TNFRSF4: variants seen among roughly 807,000 people sequenced by gnomAD.
TNFRSF4 encodes the protein TNF receptor superfamily member 4, also known as tumor necrosis factor receptor superfamily member 4.
Under a neutral mutation model 29.5 loss-of-function variants are expected in TNFRSF4, and 21 were observed. The ratio of observed to expected loss-of-function variants is 0.71; its 90% confidence interval spans 0.51 to 1.03. The LOEUF is 1.03. Among genes scored for constraint, TNFRSF4 ranks in the 50% least tolerant of loss-of-function variants. TNFRSF4 has a pLI of 0.00. For synonymous variants in TNFRSF4, 197 were observed against 172.7 expected (o/e 1.14, Z -1.10); for missense variants, 408 against 387.8 (o/e 1.05, Z -0.44).
Position 1,212,655 on chromosome 1 carries a change from G to T in TNFRSF4, c.420C>A (p.Ala140=). 6.8e-7 allele frequency: 1 copy of T among 1,475,298 alleles called. No individual in the cohort carries two copies. The highest frequency in any genetic ancestry group is 1.2e-5 in the South Asian group (1 of 80,012). 91.4% of individuals were successfully genotyped at this position (1,475,298 alleles called of 1,614,324 possible). A position where few individuals can be genotyped will look rare whatever the true frequency, so the allele number is the denominator to read the frequency against. Reference sequence around the variant, plus strand: ...CCCCTCACTTGGTCCAGGGCTTGCAGGCCTGGTTGTCGCCTGGGGAGAAGT... The same window carrying T: ...CCCCTCACTTGGTCCAGGGCTTGCATGCCTGGTTGTCGCCTGGGGAGAAGT... ...PGHFSPGDNQ[A]CKPWTNCTLA... The change falls in exon 4 of 7, where the codon GCC becomes GCA. Residue 140 remains alanine (A), a synonymous_variant. Transcript: ENST00000379236.
At position 1,211,739 on chromosome 1, in the gene TNFRSF4, T is replaced by A. The variant is rs771128263; in HGVS notation, c.728A>T (p.Asp243Val). 1.3e-6 allele frequency: 2 copies of A among 1,579,048 alleles called. No individual in the cohort carries two copies. Among genetic ancestry groups the A allele is most frequent in the South Asian group, 2.3e-5 (2 of 87,274 alleles). The change falls in exon 6 of 7, where the codon GAC becomes GTC. Residue 243 changes from aspartate to valine, a missense_variant. Coordinates refer to ENST00000379236, the MANE Select transcript of TNFRSF4 (RefSeq NM_003327.4). ...ILLALYLLRRDQRLPPDAHKP... is the reference protein window; with the variant it reads ...ILLALYLLRRVQRLPPDAHKP... ...GTGGGCATCGGGGGGCAGCCTCTGGTCCCTCCGGAGCAGGTACAGGGCCAG... is the reference window on the plus strand; with the variant it reads ...GTGGGCATCGGGGGGCAGCCTCTGGACCCTCCGGAGCAGGTACAGGGCCAG...
At position 1,213,803 on chromosome 1, in the gene TNFRSF4, G is replaced by A. The variant is rs767867744; in HGVS notation, c.146-18C>T. 2.8e-5 allele frequency: 44 copies of A among 1,584,336 alleles called. No homozygotes were observed. The highest frequency in any genetic ancestry group is 3.2e-5 in the Non-Finnish European group (37 of 1,168,354). ...CCCGTTGCCTGCAGCAGAGGCCGGC[G>A]TCAGGCAGCGGTCAGGCCCCAGGCT... On this transcript the variant is annotated intron_variant, in intron 1 of 6. Transcript: ENST00000379236.
Position 1,213,966 on chromosome 1 carries a change from C to T in TNFRSF4, c.145+17G>A, listed in dbSNP as rs750396022. 8.8e-6 allele frequency: 14 copies of T among 1,585,064 alleles called. No homozygotes were observed. The highest frequency in any genetic ancestry group is 1.3e-5 in the African/African-American group (1 of 74,174). Reference sequence around the variant, plus strand: ...CCCTGGAGTGCCCGTGCGTGGCGACCCCTCCTGAGGCCTCACCTGGCCTGC... The same window carrying T: ...CCCTGGAGTGCCCGTGCGTGGCGACTCCTCCTGAGGCCTCACCTGGCCTGC... On this transcript the variant is annotated intron_variant, in intron 1 of 6. Transcript: ENST00000379236.
chr1:1,213,434 T>G, intron 2 of TNFRSF4: 1 of 1,525,932 alleles, frequency 6.6e-7, no homozygotes, highest in Non-Finnish European at 8.8e-7. Context: ...GCCAGCGTGG[T>G]CTCCCCGACT....
intron 3 of TNFRSF4, 44 bp from the exon 4 acceptor site, chr1:1,212,748 G>A (rs369938262): frequency 1.8e-4 from 267 of 1,469,734 alleles, no homozygotes; most frequent in Non-Finnish European, 2.3e-4. Context: ...ACAGGCCCCG[G>A]GTGCTGGGGA....
At position 1,213,703 on chromosome 1, in the gene TNFRSF4, G is replaced by T; in HGVS notation, c.228C>A (p.Val76=). 1.3e-6 allele frequency: 2 copies of T among 1,597,938 alleles called. No homozygotes were observed. Among genetic ancestry groups the T allele is most frequent in the South Asian group, 2.3e-5 (2 of 88,330 alleles). Residue 76 remains valine, a synonymous_variant, in exon 2 of 7, where the codon GTC becomes GTA. Coordinates refer to ENST00000379236, the MANE Select transcript of TNFRSF4 (RefSeq NM_003327.4). ...TGCAGGGCTTGCACGGCTTGGAGCT[G>T]ACCACGTCGTTGTAGAAGCCCGGCC... The part of the protein sequence containing the change: ...PCGPGFYNDV[V]SSKPCKPCTW...
At position 1,212,746 on chromosome 1, in the gene TNFRSF4, C is replaced by T. The variant is rs766198736; in HGVS notation, c.371-42G>A. The T allele has an allele frequency of 1.2e-5, 18 of 1,480,878 alleles. No homozygotes were observed. In the East Asian group the frequency reaches 1.7e-4, roughly 14 times the overall value. 91.7% of individuals were successfully genotyped at this position (1,480,878 alleles called of 1,614,324 possible). A position where few individuals can be genotyped will look rare whatever the true frequency, so the allele number is the denominator to read the frequency against. On this transcript the variant is annotated intron_variant, in intron 3 of 6. Coordinates refer to ENST00000379236, the MANE Select transcript of TNFRSF4 (RefSeq NM_003327.4). Reference sequence around the variant, plus strand: ...GTGGTCAGGGGCTGCCCACAGGCCCCGGGTGCTGGGGACATGGGGCAGAGC... The same window carrying T: ...GTGGTCAGGGGCTGCCCACAGGCCCTGGGTGCTGGGGACATGGGGCAGAGC...
At chr1:1,213,129 G>C (rs1649260637) in intron 2 of TNFRSF4, 36 bp from the exon 3 acceptor site, 1 of 1,584,042 alleles carries the variant, frequency 6.3e-7, no homozygotes, top group Non-Finnish European at 8.6e-7. Flanking sequence ...GGTCAGGTGG[G>C]GGCTGTGGAC....
chr1:1,213,914 T>A lies in TNFRSF4; in HGVS notation c.145+69A>T, dbSNP rs531356039. On this transcript the variant is annotated intron_variant, in intron 1 of 6. Transcript: ENST00000379236. The stretch of plus-strand genomic sequence containing the variant: ...CCCTCCCCAGGACCAGCCTCCTGGC[T>A]GGCCCATCCCTGCCCCAGCCCCCAG... 6.4e-4 allele frequency: 531 copies of A among 834,422 alleles called. 2 individuals are homozygous for A. In the African/African-American group the frequency reaches 8.8e-3, roughly 14 times the overall value. 51.7% of individuals were successfully genotyped at this position (834,422 alleles called of 1,614,324 possible).
Position 1,212,574 on chromosome 1 carries a change from C to T in TNFRSF4, c.437+64G>A. ...CCAGCCCCTCCCAGCTCCCCAGCTC[C>T]TCCGCCCTCCTAACCACCCCAACCC... On this transcript the variant is annotated intron_variant, in intron 4 of 6. Transcript: ENST00000379236. The T allele has an allele frequency of 3.0e-6, 3 of 1,001,784 alleles. 1 individual carries two copies. In the East Asian group the frequency reaches 1.1e-4, roughly 37 times the overall value. The allele number at this position is 1,001,784 out of a possible 1,614,324, so 62.1% of individuals were successfully genotyped here. A position where few individuals can be genotyped will look rare whatever the true frequency, so the allele number is the denominator to read the frequency against.
rs539722587 is a variant in TNFRSF4 at position 1,213,577 on chromosome 1, G to A, written c.268+86C>T. ...TTGAGGTTCGTTTCTGCGGCTGTGG[G>A]AGCCCCATGCTGCTGCGTGGGAATG... On this transcript the variant is annotated intron_variant, in intron 2 of 6. Coordinates refer to ENST00000379236, the MANE Select transcript of TNFRSF4 (RefSeq NM_003327.4). 4.6e-4 allele frequency: 691 copies of A among 1,487,894 alleles called. 5 individuals carry two copies. The South Asian group carries it at 6.3e-3, about 14-fold the overall frequency. 92.2% of individuals were successfully genotyped at this position (1,487,894 alleles called of 1,614,324 possible).
chr1:1,211,724 G>C lies in TNFRSF4; in HGVS notation c.743C>G (p.Pro248Arg). 6.3e-7 allele frequency: 1 copy of C among 1,586,880 alleles called. No homozygotes were observed. The highest frequency in any genetic ancestry group is 8.6e-7 in the Non-Finnish European group (1 of 1,167,746). The change falls in exon 6 of 7, where the codon CCC becomes CGC. Residue 248 changes from proline (P) to arginine (R), a missense_variant. Transcript: ENST00000379236. ...CTCACCAGGGGGCTTGTGGGCATCG[G>C]GGGGCAGCCTCTGGTCCCTCCGGAG... ...YLLRRDQRLP[P>R]DAHKPPGGGS...
At position 1,213,683 on chromosome 1, in the gene TNFRSF4, G is replaced by T; in HGVS notation, c.248C>A (p.Pro83His). The change falls in exon 2 of 7, where the codon CCC becomes CAC. Residue 83 changes from proline to histidine, a missense_variant. Coordinates refer to ENST00000379236, the MANE Select transcript of TNFRSF4 (RefSeq NM_003327.4). ...NDVVSSKPCK[P>H]CTWCNLRSGS... The stretch of plus-strand genomic sequence containing the variant: ...CTCACTGAGGTTACACCACGTGCAG[G>T]GCTTGCACGGCTTGGAGCTGACCAC... 6.3e-7 allele frequency: 1 copy of T among 1,593,938 alleles called. No homozygotes were observed. The highest frequency in any genetic ancestry group is 1.1e-5 in the South Asian group (1 of 87,872).
In TNFRSF4 at chr1:1,213,767, C is replaced by T. The variant is rs745731727; in HGVS notation, c.164G>A (p.Arg55His). ...CACCGTGTTCTGGGAGCGGCTGCAGCGGCTCACCATCCCGTTGCCTGCAGC... is the reference window on the plus strand; with the variant it reads ...CACCGTGTTCTGGGAGCGGCTGCAGTGGCTCACCATCCCGTTGCCTGCAGC... ...ECRPGNGMVS[R>H]CSRSQNTVCR... The change falls in exon 2 of 7, where the codon CGC becomes CAC. Residue 55 changes from arginine (R) to histidine (H), a missense_variant. By Grantham distance (29) the Arg-to-His change is conservative. Coordinates refer to ENST00000379236, the MANE Select transcript of TNFRSF4 (RefSeq NM_003327.4). 6.9e-6 allele frequency: 11 copies of T among 1,601,078 alleles called. No homozygotes were observed. The highest frequency in any genetic ancestry group is 2.7e-5 in the African/African-American group (2 of 74,776).
In TNFRSF4 at chr1:1,212,948, C is replaced by T. The variant is rs778715784; in HGVS notation, c.370+44G>A. 65 of 1,548,130 alleles carry T rather than the reference C, an allele frequency of 4.2e-5. 1 individual carries two copies. Among genetic ancestry groups the T allele is most frequent in the African/African-American group, 8.2e-5 (6 of 73,508 alleles). ...ACGGCCCATCTGCGTCACAGACAGC[C>T]GCTATGCACACCCCCAACCGCCGGC... On this transcript the variant is annotated intron_variant, in intron 3 of 6. Transcript: ENST00000379236.
At position 1,214,119 on chromosome 1, in the gene TNFRSF4, C is replaced by G; in HGVS notation, c.9G>C (p.Val3=). The change falls in exon 1 of 7, where the codon GTG becomes GTC. Residue 3 remains valine, a synonymous_variant. Coordinates refer to ENST00000379236, the MANE Select transcript of TNFRSF4 (RefSeq NM_003327.4). The surrounding 1 kb of genome is among the most constrained non-coding windows in gnomAD (Gnocchi z 4.2). The part of the protein sequence containing the change: MC[V]GARRLGRGPC... ...GCCCGCGGCCCAGCCGCCGAGCCCC[C>G]ACGCACATCCTCGTCTCTGCTGTCG... 6.3e-7 allele frequency: 1 copy of G among 1,580,864 alleles called. No homozygotes were observed. Among genetic ancestry groups the G allele is most frequent in the Non-Finnish European group, 8.5e-7 (1 of 1,169,798 alleles).
chr1:1,212,664 G>C lies in TNFRSF4; in HGVS notation c.411C>G (p.Asp137Glu). 1 of 1,530,034 alleles carries C rather than the reference G, an allele frequency of 6.5e-7. No homozygotes were observed. Among genetic ancestry groups the C allele is most frequent in the Non-Finnish European group, 8.8e-7 (1 of 1,134,446 alleles). 94.8% of individuals were successfully genotyped at this position (1,530,034 alleles called of 1,614,324 possible). ...TGGTCCAGGGCTTGCAGGCCTGGTT[G>C]TCGCCTGGGGAGAAGTGCCCTGGAG... is the stretch of plus-strand genomic sequence containing the variant. ...PCPPGHFSPG[D>E]NQACKPWTNC... is the part of the protein sequence containing the mutation. Residue 137 changes from aspartate (D) to glutamate (E), a missense_variant, in exon 4 of 7, where the codon GAC becomes GAG. Transcript: ENST00000379236.
rs970420232 is a variant in TNFRSF4, at chr1:1,213,593, C to T, written c.268+70G>A. On this transcript the variant is annotated intron_variant, in intron 2 of 6. Transcript: ENST00000379236. ...CGGCTGTGGGAGCCCCATGCTGCTGCGTGGGAATGTGGGTGCCAGGCTGCC... is the reference window on the plus strand; with the variant it reads ...CGGCTGTGGGAGCCCCATGCTGCTGTGTGGGAATGTGGGTGCCAGGCTGCC... The T allele has an allele frequency of 1.0e-5, 15 of 1,505,360 alleles. No individual in the cohort carries two copies. In the African/African-American group the frequency reaches 1.1e-4, roughly 11 times the overall value. The allele number at this position is 1,505,360 out of a possible 1,614,324, so 93.3% of individuals were successfully genotyped here. A position where few individuals can be genotyped will look rare whatever the true frequency, so the allele number is the denominator to read the frequency against.
In TNFRSF4 at chr1:1,213,373, T is replaced by C. The variant is rs564659438; in HGVS notation, c.269-280A>G. 7,920 of 1,530,098 alleles carry C rather than the reference T, an allele frequency of 5.2e-3. 35 individuals are homozygous for C. Among genetic ancestry groups the C allele is most frequent in the Non-Finnish European group, 6.5e-3 (7,420 of 1,142,264 alleles). The allele number at this position is 1,530,098 out of a possible 1,614,324, so 94.8% of individuals were successfully genotyped here. A position where few individuals can be genotyped will look rare whatever the true frequency, so the allele number is the denominator to read the frequency against. ...AGCCCCGCCTGCGGCAGGGTCTCCATGGCCCAACCCCCCAGCCTCACTGCT... is the reference window on the plus strand; with the variant it reads ...AGCCCCGCCTGCGGCAGGGTCTCCACGGCCCAACCCCCCAGCCTCACTGCT... On this transcript the variant is annotated intron_variant, in intron 2 of 6. Coordinates refer to ENST00000379236, the MANE Select transcript of TNFRSF4 (RefSeq NM_003327.4).
Sources: allele counts gnomAD v4.1 joint callset, GRCh38; gene constraint gnomAD v4.1.1; non-coding constraint Gnocchi (gnomAD v3.1); transcripts MANE v1.5; gene names NCBI Gene and HGNC (gene_info 2026-07-23, HGNC 2026-07-21).